Variants in GLIS3 observed in about 807,000 individuals in gnomAD.
The protein encoded by GLIS3 is zinc finger protein GLIS3.
A neutral mutation model predicts 78.6 loss-of-function variants in GLIS3; 53 were observed. That is an observed-to-expected ratio of 0.67 (90% confidence interval 0.54 to 0.85). The LOEUF is 0.85. Among genes scored for constraint, GLIS3 ranks in the 40% least tolerant of loss-of-function variants. GLIS3 has a pLI of 0.00. For missense variants in GLIS3, 1,703 were observed against 1,231.1 expected, an observed-to-expected ratio of 1.38 and a Z score of -5.74; for synonymous variants, 684 against 509.9, an observed-to-expected ratio of 1.34 and a Z score of -4.60.
chr9:4,296,758 G>T (rs1038194723), intron 1 of GLIS3, among the ~76,000 whole-genome samples: 1 of 151,608 alleles, frequency 6.6e-6, no homozygotes, highest in Non-Finnish European at 1.5e-5. Context: ...CAGGTGTTTT[G>T]AAAATAGCGA....
At chr9:4,139,862 C>A (rs541841814) in intron 2 of GLIS3, among the ~76,000 whole-genome samples, 3 of 152,204 alleles carry the variant, frequency 2.0e-5, no homozygotes, top group African/African-American at 7.2e-5. Flanking sequence ...GTAATGCCCA[C>A]TGCTCACCTG....
At chr9:3,971,950 G>A (rs893869882) in intron 4 of GLIS3, among the ~76,000 whole-genome samples, 2 of 152,080 alleles carry the variant, frequency 1.3e-5, no homozygotes, top group African/African-American at 4.8e-5. Context: ...GTTTGCTCTG[G>A]AGAAAACAGT....
At chr9:4,387,719 G>A in the GLIS3 span, among the ~76,000 whole-genome samples, 4 of 152,124 alleles carry the variant, frequency 2.6e-5, no homozygotes, top group African/African-American at 9.7e-5. Context: ...CCCTACCACT[G>A]AATTTCTATA....
At chr9:3,961,886 T>G (rs967756897) in intron 4 of GLIS3, among the ~76,000 whole-genome samples, 1 of 152,088 alleles carries the variant, frequency 6.6e-6, no homozygotes, top group Non-Finnish European at 1.5e-5. Context: ...TCACAAAGTA[T>G]CTTGACATAA....
intron 2 of GLIS3, among the ~76,000 whole-genome samples, chr9:4,186,460 T>A (rs4322056): frequency 6.6e-6 from 1 of 151,552 alleles, no homozygotes; most frequent in African/African-American, 2.4e-5. Context: ...AATAAACATA[T>A]GTGTGCATGT....
chr9:4,449,207 T>G, the GLIS3 span, among the ~76,000 whole-genome samples: 1 of 152,186 alleles, frequency 6.6e-6, no homozygotes, highest in Non-Finnish European at 1.5e-5. Context: ...CCACAGAACC[T>G]TGCTTACTGC....
intron 2 of GLIS3, among the ~76,000 whole-genome samples, chr9:4,148,087 G>C (rs1456438702): frequency 6.6e-6 from 1 of 152,038 alleles, no homozygotes; most frequent in Non-Finnish European, 1.5e-5. Flanking sequence ...TTTTGCATAG[G>C]AAAGAGTAAG....
At chr9:4,074,123 C>A (rs150276001) in intron 4 of GLIS3, among the ~76,000 whole-genome samples, 1 of 152,286 alleles carries the variant, frequency 6.6e-6, no homozygotes, top group East Asian at 1.9e-4. Flanking sequence ...CAATGCAAGT[C>A]ACAAGTTAGT....
the GLIS3 span, among the ~76,000 whole-genome samples, chr9:4,363,065 AG>A: frequency 1.3e-5 from 2 of 152,202 alleles, no homozygotes; most frequent in Non-Finnish European, 2.9e-5. Flanking sequence ...CAGTTCCATT[AG>A]GCCCAAGAGA....
chr9:4,329,830 G>A (rs114922890), intron 2 of GLIS3, among the ~76,000 whole-genome samples: 2,656 of 152,204 alleles, frequency 0.017, 73 homozygotes, highest in African/African-American at 0.059. Context: ...GCCTACTTCT[G>A]GTGCTGGTAA....
chr9:4,434,847 T>G, the GLIS3 span, among the ~76,000 whole-genome samples: 6 of 152,226 alleles, frequency 3.9e-5, no homozygotes, highest in Non-Finnish European at 8.8e-5. Flanking sequence ...GGATGCTGAC[T>G]ACAACCCATG....
At chr9:3,873,074 A>G (rs944242074) in intron 8 of GLIS3, among the ~76,000 whole-genome samples, 2 of 152,204 alleles carry the variant, frequency 1.3e-5, no homozygotes, top group Non-Finnish European at 2.9e-5. Flanking sequence ...ATAATGCATA[A>G]TGAGATGGAA....
chr9:4,402,781 G>A, the GLIS3 span, among the ~76,000 whole-genome samples: 2 of 152,006 alleles, frequency 1.3e-5, no homozygotes, highest in East Asian at 1.9e-4. Context: ...CACAGAAGGG[G>A]AAAGAAAGAT....
chr9:4,330,616 G>A (rs868144931), intron 2 of GLIS3, among the ~76,000 whole-genome samples: 5 of 133,154 alleles, frequency 3.8e-5, no homozygotes, highest in African/African-American at 1.3e-4. Context: ...AGAGGTGGAG[G>A]TGAAGGTTGG....
intron 1 of GLIS3, among the ~76,000 whole-genome samples, chr9:4,294,111 A>G (rs1292239129): frequency 6.6e-6 from 1 of 151,986 alleles, no homozygotes; most frequent in Admixed American, 6.6e-5. Flanking sequence ...CTCTAAGCCC[A>G]CCCCAAACAC....
chr9:4,245,202 G>C (rs1823690882), intron 2 of GLIS3, among the ~76,000 whole-genome samples: 1 of 152,176 alleles, frequency 6.6e-6, no homozygotes, highest in South Asian at 2.1e-4. Context: ...TTGGTTTAGA[G>C]GGATTCTATT....
intron 2 of GLIS3, among the ~76,000 whole-genome samples, chr9:4,221,875 G>C (rs1387352939): frequency 6.6e-6 from 1 of 152,190 alleles, no homozygotes; most frequent in African/African-American, 2.4e-5. Flanking sequence ...TAGTTATTTT[G>C]GGATCCATCT....
At chr9:3,943,065 G>A (rs1816051199) in intron 4 of GLIS3, among the ~76,000 whole-genome samples, 1 of 152,032 alleles carries the variant, frequency 6.6e-6, no homozygotes, top group Non-Finnish European at 1.5e-5. Context: ...AAAGACTGTA[G>A]AAGCACACTG....
the GLIS3 span, among the ~76,000 whole-genome samples, chr9:4,358,650 C>T: frequency 1.3e-5 from 2 of 152,124 alleles, no homozygotes; most frequent in Non-Finnish European, 1.5e-5. Flanking sequence ...ACCACATTCA[C>T]ATGGCCTTGG....
Sources: allele counts gnomAD v4.1 joint callset (sites outside exome capture counted in the v4.1 genomes callset), GRCh38; gene constraint gnomAD v4.1.1; transcripts MANE v1.5; gene names NCBI Gene and HGNC (gene_info 2026-07-23, HGNC 2026-07-21).